MAN1A2: variants seen among roughly 807,000 people sequenced by gnomAD.
The protein encoded by MAN1A2 is mannosidase alpha class 1A member 2, also known as mannosyl-oligosaccharide 1,2-alpha-mannosidase IB.
Under a neutral mutation model 75.7 loss-of-function variants are expected in MAN1A2, and 26 were observed. The ratio of observed to expected loss-of-function variants is 0.34; its 90% CI spans 0.25 to 0.48. MAN1A2 has a LOEUF of 0.48. Among genes scored for constraint, MAN1A2 ranks in the 20% least tolerant of loss-of-function variants. The pLI is 0.99. For synonymous variants in MAN1A2, 247 were observed against 264.6 expected, an observed-to-expected ratio of 0.93 and a Z score of 0.65; for missense variants, 562 against 775.5, an observed-to-expected ratio of 0.72 and a Z score of 3.27.
chr1:117,488,994 G>C (rs905996148), intron 8 of MAN1A2, among the ~76,000 whole-genome samples: 2 of 151,974 alleles, frequency 1.3e-5, no homozygotes, highest in African/African-American at 2.4e-5. Context: ...ATTTTGAGAA[G>C]TATCAAACTA....
intron 9 of MAN1A2, 27 bp downstream of exon 9, chr1:117,493,289 C>T (rs766582562): frequency 7.1e-6 from 10 of 1,401,420 alleles, no homozygotes; most frequent in Admixed American, 6.7e-5. Context: ...CATTTTTCTA[C>T]TTAATGGATT....
intron 6 of MAN1A2, among the ~76,000 whole-genome samples, chr1:117,453,923 C>T (rs948303744): frequency 6.6e-6 from 1 of 152,174 alleles, no homozygotes; most frequent in African/African-American, 2.4e-5. Context: ...CCTTCAGCAG[C>T]CACCACCCTG....
At chr1:117,514,768 A>G (rs981808004) in intron 12 of MAN1A2, 43 of 520,054 alleles carry the variant, frequency 8.3e-5, no homozygotes, top group Non-Finnish European at 1.6e-4. Context: ...ATGAGGGGAA[A>G]AAACGGTTAG....
chr1:117,371,635 C>T (rs1652969104), intron 1 of MAN1A2, among the ~76,000 whole-genome samples: 2 of 152,242 alleles, frequency 1.3e-5, no homozygotes, highest in African/African-American at 2.4e-5. Context: ...AGCTTGGCAT[C>T]ACTAAGAATC....
Position 117,402,260 on chromosome 1 carries a change from TAAG to T in MAN1A2, c.380_382del (p.Arg127del). 6.2e-7 allele frequency: 1 copy of T among 1,613,592 alleles called. No homozygotes were observed. The highest frequency in any genetic ancestry group is 8.5e-7 in the Non-Finnish European group (1 of 1,179,740). ...GCCTTGGAAGAAGCAAAAGAAAAATTAAGAAAGTCAAGAGAGGAAATTCGAGCA... is the reference window on the plus strand; with the variant it reads ...GCCTTGGAAGAAGCAAAAGAAAAATTAAAGTCAAGAGAGGAAATTCGAGCA... On this transcript the variant is annotated inframe_deletion, in exon 2 of 13. Transcript: ENST00000356554.
chr1:117,466,568 C>T, intron 8 of MAN1A2, 141 bp downstream of exon 8: 1 of 516,652 alleles, frequency 1.9e-6, no homozygotes, highest in Non-Finnish European at 3.4e-6. Flanking sequence ...TGTTCTTAGG[C>T]ATGTTTCTGA....
At chr1:117,520,116 C>G (rs1238499755) in intron 12 of MAN1A2, among the ~76,000 whole-genome samples, 1 of 151,992 alleles carries the variant, frequency 6.6e-6, no homozygotes, top group African/African-American at 2.4e-5. Flanking sequence ...TTGGCAAAAT[C>G]CAGCATCCGT....
chr1:117,372,495 G>A (rs1652994778), intron 1 of MAN1A2, among the ~76,000 whole-genome samples: 1 of 152,016 alleles, frequency 6.6e-6, no homozygotes, highest in African/African-American at 2.4e-5. Context: ...ATTTTCATGA[G>A]GAAACCAATA....
chr1:117,461,607 T>TA (rs1157416678), intron 7 of MAN1A2, among the ~76,000 whole-genome samples: 1 of 152,146 alleles, frequency 6.6e-6, no homozygotes, highest in African/African-American at 2.4e-5. Context: ...ATGTTTCAGT[T>TA]ACTCAAATTT....
intron 1 of MAN1A2, among the ~76,000 whole-genome samples, chr1:117,399,087 G>A (rs1647323031): frequency 6.6e-6 from 1 of 152,172 alleles, no homozygotes; most frequent in African/African-American, 2.4e-5. Flanking sequence ...GAAGTGTTGT[G>A]TTAGGCAACT....
chr1:117,444,348 G>A (rs1183203858), intron 6 of MAN1A2, among the ~76,000 whole-genome samples: 1 of 149,424 alleles, frequency 6.7e-6, no homozygotes, highest in Non-Finnish European at 1.5e-5. Context: ...TTTATTTCTT[G>A]GAAAATGGTT....
At chr1:117,399,504 C>G (rs1647336994) in intron 1 of MAN1A2, among the ~76,000 whole-genome samples, 2 of 152,158 alleles carry the variant, frequency 1.3e-5, no homozygotes, top group Admixed American at 1.3e-4. Flanking sequence ...AATCTGTGTG[C>G]CTGCTTGCAC....
At chr1:117,423,341 CAAAAT>C (rs1648258422) in intron 5 of MAN1A2, among the ~76,000 whole-genome samples, 1 of 152,102 alleles carries the variant, frequency 6.6e-6, no homozygotes, top group Non-Finnish European at 1.5e-5. Context: ...TATTCCTTTT[CAAAAT>C]TGTTGTGGCT....
intron 3 of MAN1A2, among the ~76,000 whole-genome samples, chr1:117,406,666 TATG>T (rs1295848231): frequency 6.6e-6 from 1 of 152,146 alleles, no homozygotes; most frequent in Non-Finnish European, 1.5e-5. Flanking sequence ...GACTTCATAA[TATG>T]ATATTTAATT....
chr1:117,386,725 T>TCCCTGTTTCTAGAGA (rs1553229979), intron 1 of MAN1A2, among the ~76,000 whole-genome samples: 1 of 144,248 alleles, frequency 6.9e-6, no homozygotes, highest in African/African-American at 2.6e-5. Context: ...CAGTGGCTCA[T>TCCCTGTTTCTAGAGA]CCCTGTCTCT....
At chr1:117,459,710 C>A (rs1223956972) in intron 6 of MAN1A2, among the ~76,000 whole-genome samples, 4 of 152,200 alleles carry the variant, frequency 2.6e-5, no homozygotes, top group African/African-American at 9.6e-5. Context: ...GAGATTATAT[C>A]TGCACAAATG....
chr1:117,419,661 TTTGA>T (rs1648123412), intron 4 of MAN1A2, among the ~76,000 whole-genome samples: 1 of 152,052 alleles, frequency 6.6e-6, no homozygotes, highest in African/African-American at 2.4e-5. Flanking sequence ...CTGTAGATTC[TTTGA>T]TTATGTTCTC....
At chr1:117,445,878 G>T in intron 6 of MAN1A2, among the ~76,000 whole-genome samples, 1 of 99,380 alleles carries the variant, frequency 1.0e-5, no homozygotes, top group Non-Finnish European at 2.1e-5. Context: ...GTGTGTCTGT[G>T]TGTGTGTATA....
rs12083905 is a variant in MAN1A2 at position 117,415,131 on chromosome 1, G to A, written c.774+300G>A. ...CACTTTAGCATGGTCAAGTGGCACT[G>A]CTTAGGTTTGGCATAGTTGTTAAGT... On this transcript the variant is annotated intron_variant, in intron 4 of 12. Coordinates refer to ENST00000356554, the MANE Select transcript of MAN1A2 (RefSeq NM_006699.5). 3.8e-3 allele frequency among the ~76,000 whole-genome samples: 585 copies of A among 152,056 alleles called. 7 individuals are homozygous for A. Among genetic ancestry groups the A allele is most frequent in the African/African-American group, 0.013 (556 of 41,498 alleles).
Sources: allele counts gnomAD v4.1 joint callset (sites outside exome capture counted in the v4.1 genomes callset), GRCh38; gene constraint gnomAD v4.1.1; transcripts MANE v1.5; gene names NCBI Gene and HGNC (gene_info 2026-07-23, HGNC 2026-07-21).